Variants in HDLBP observed in about 807,000 individuals in gnomAD.
HDLBP encodes vigilin.
HDLBP carries 30 observed loss-of-function variants against 137.3 expected under a neutral mutation model. That is an observed-to-expected ratio of 0.22 (90% CI 0.16 to 0.30). The LOEUF (loss-of-function observed/expected upper bound fraction) is 0.30, where lower values mean the gene tolerates loss of function less well. HDLBP is among the 10% of genes least tolerant of loss of function. HDLBP has a pLI of 1.00. For synonymous variants in HDLBP, 606 were observed against 596.0 expected, an observed-to-expected ratio of 1.02 and a Z score of -0.24; for missense variants, 1,119 against 1,667.3, an observed-to-expected ratio of 0.67 and a Z score of 5.73.
chr2:241,256,278 G>C lies in HDLBP; in HGVS notation c.779C>G (p.Pro260Arg). Reference sequence around the variant, plus strand: ...AATCTCTGTCCGGTTCACGCTGGGTGGGGGGATGTTGATGCGCGTGCCTGT... The same window carrying C: ...AATCTCTGTCCGGTTCACGCTGGGTCGGGGGATGTTGATGCGCGTGCCTGT... ...QETGTRINIP[P>R]PSVNRTEIVF... Residue 260 changes from proline to arginine, a missense_variant, in exon 7 of 28, where the codon CCA (proline) becomes CGA (arginine). By Grantham distance (103) the Pro-to-Arg change is moderately radical. Transcript: ENST00000310931. 1 of 1,614,070 alleles carries C rather than the reference G, an allele frequency of 6.2e-7. No individual in the cohort carries two copies. The highest frequency in any genetic ancestry group is 8.5e-7 in the Non-Finnish European group (1 of 1,179,970).
chr2:241,307,592 G>A (rs1447329189), intron 1 of HDLBP, among the ~76,000 whole-genome samples: 1 of 152,032 alleles, frequency 6.6e-6, no homozygotes, highest in African/African-American at 2.4e-5. Context: ...TGTAAAAACT[G>A]GCAACCCCCC....
At chr2:241,284,027 G>GAAA (rs57210051) in intron 1 of HDLBP, among the ~76,000 whole-genome samples, 23 of 148,160 alleles carry the variant, frequency 1.6e-4, no homozygotes, top group Admixed American at 6.0e-4. Context: ...CTACTGCCCA[G>GAAA]AAAAAAAAAA....
chr2:241,239,910 G>T lies in HDLBP; in HGVS notation c.2382C>A (p.Ile794=). 1.2e-6 allele frequency: 2 copies of T among 1,614,058 alleles called. No homozygotes were observed. Among genetic ancestry groups the T allele is most frequent in the Non-Finnish European group, 8.5e-7 (1 of 1,179,966 alleles). Residue 794 remains isoleucine, a synonymous_variant, in exon 18 of 28, where the codon ATC becomes ATA. Coordinates refer to ENST00000310931, the MANE Select transcript of HDLBP (RefSeq NM_005336.6). This position sits in a 1 kb window ranked among gnomAD's most constrained non-coding sequence, Gnocchi z 4.6. The part of the protein sequence containing the change: ...REAQKELEAL[I]QNLDNVVEDS... ...GAGGCCCGCTCCCTACCAGGTTTTG[G>T]ATCAAGGCCTCCAGCTCCTTCTGTG...
chr2:241,239,962 A>G lies in HDLBP; in HGVS notation c.2330T>C (p.Ile777Thr), dbSNP rs765886386. ...EDKDQDLITI[I>T]GKEDAVREAQ... is the part of the protein sequence containing the mutation. The stretch of plus-strand genomic sequence containing the variant: ...CTCTCGGACGGCGTCCTCCTTTCCA[A>G]TGATGGTGATCAGGTCCTGGTCCTT... The change falls in exon 18 of 28, where the codon ATT becomes ACT. Residue 777 changes from isoleucine to threonine, a missense_variant. Transcript: ENST00000310931. The surrounding 1 kb of genome is among the most constrained non-coding windows in gnomAD (Gnocchi z 4.6). 1.6e-5 allele frequency: 26 copies of G among 1,614,006 alleles called. No homozygotes were observed. The highest frequency in any genetic ancestry group is 4.5e-5 in the East Asian group (2 of 44,884).
intron 1 of HDLBP, among the ~76,000 whole-genome samples, chr2:241,295,993 G>C (rs187326177): frequency 2.0e-5 from 3 of 151,802 alleles, no homozygotes; most frequent in African/African-American, 7.3e-5. Flanking sequence ...AATTTGTTAC[G>C]GCAGCCCTGG....
chr2:241,228,837 C>T lies in HDLBP; in HGVS notation c.*764G>A, dbSNP rs1466422683. Reference sequence around the variant, plus strand: ...GGCCCTACCTCCCCCAACCTGTGCGCATCTCAATCACAGCAGACACTGTGA... The same window carrying T: ...GGCCCTACCTCCCCCAACCTGTGCGTATCTCAATCACAGCAGACACTGTGA... On this transcript the variant is annotated 3_prime_UTR_variant, in exon 28 of 28. Transcript: ENST00000310931. 6.5e-6 allele frequency: 1 copy of T among 152,884 alleles called. No individual in the cohort carries two copies. The highest frequency in any genetic ancestry group is 2.4e-5 in the African/African-American group (1 of 41,458). The allele number at this position is 152,884 out of a possible 1,614,324, so 9.5% of individuals were successfully genotyped here.
Position 241,256,687 on chromosome 2 carries a change from A to T in HDLBP, c.570T>A (p.Asp190Glu). The T allele has an allele frequency of 6.2e-7, 1 of 1,614,214 alleles. No individual in the cohort carries two copies. The highest frequency in any genetic ancestry group is 1.7e-5 in the Admixed American group (1 of 60,012). Residue 190 changes from aspartate to glutamate, a missense_variant, in exon 6 of 28, where the codon GAT becomes GAA. Transcript: ENST00000310931. ...TGATCTTGATCTGATTGCTGGGGTCATCTGGGCGTGGGATCTGGATTTTGG... is the reference window on the plus strand; with the variant it reads ...TGATCTTGATCTGATTGCTGGGGTCTTCTGGGCGTGGGATCTGGATTTTGG... Reference protein sequence around the residue: ...TATKIQIPRPDDPSNQIKITG... With the variant: ...TATKIQIPRPEDPSNQIKITG...
intron 2 of HDLBP, among the ~76,000 whole-genome samples, 181 bp from the exon 3 acceptor site, chr2:241,267,087 G>A (rs2073730126): frequency 6.6e-6 from 1 of 152,126 alleles, no homozygotes; most frequent in African/African-American, 2.4e-5. Context: ...GATAAAAAGG[G>A]GGGAAAATGC....
rs1400002014 is a variant in HDLBP, at chr2:241,256,362, G to A, written c.695C>T (p.Ala232Val). 2.5e-6 allele frequency: 4 copies of A among 1,613,272 alleles called. No homozygotes were observed. In the African/African-American group the frequency reaches 4.0e-5, roughly 16 times the overall value. Residue 232 changes from alanine (A) to valine (V), a missense_variant, in exon 7 of 28, where the codon GCA (alanine) becomes GTA (valine). By Grantham distance (64) the Ala-to-Val change is moderately conservative. Coordinates refer to ENST00000310931, the MANE Select transcript of HDLBP (RefSeq NM_005336.6). Reference protein sequence around the residue: ...RAVERLEVEKAFHPFIAGPYN... With the variant: ...RAVERLEVEKVFHPFIAGPYN... ...CGGCCCAGCGATGAAGGGGTGGAAT[G>A]CCTTTTCTACTTCTAGCCTCTCCAC...
At position 241,238,367 on chromosome 2, in the gene HDLBP, G is replaced by A. The variant is rs1344184628; in HGVS notation, c.2749+282C>T. 4 of 267,908 alleles carry A rather than the reference G, an allele frequency of 1.5e-5. No individual in the cohort carries two copies. The highest frequency in any genetic ancestry group is 4.4e-5 in the African/African-American group (2 of 45,470). The allele number at this position is 267,908 out of a possible 1,614,324, so 16.6% of individuals were successfully genotyped here. ...CATGAGAATCACTGGGACTGAACTC[G>A]GGACACCCGAGGATGAGGCTGCACG... On this transcript the variant is annotated intron_variant, in intron 20 of 27. Coordinates refer to ENST00000310931, the MANE Select transcript of HDLBP (RefSeq NM_005336.6). This position sits in a 1 kb window ranked among gnomAD's most constrained non-coding sequence, Gnocchi z 4.9.
At chr2:241,254,014 G>A (rs1488904921) in intron 9 of HDLBP, among the ~76,000 whole-genome samples, 2 of 152,210 alleles carry the variant, frequency 1.3e-5, no homozygotes, top group Non-Finnish European at 2.9e-5. Flanking sequence ...GCTGGGCACA[G>A]TGACTCACAC....
intron 1 of HDLBP, among the ~76,000 whole-genome samples, chr2:241,298,025 G>C (rs940793433): frequency 8.5e-6 from 1 of 118,286 alleles, no homozygotes; most frequent in Non-Finnish European, 1.6e-5. Context: ...TCCAGGCCTG[G>C]ACAGAGTGAG....
At position 241,239,589 on chromosome 2, in the gene HDLBP, C is replaced by G. The variant is rs377308812; in HGVS notation, c.2610+13G>C. 6.2e-7 allele frequency: 1 copy of G among 1,612,024 alleles called. No homozygotes were observed. The highest frequency in any genetic ancestry group is 1.1e-5 in the South Asian group (1 of 91,034). ...GGGGGTGAGAACCCCTCCCCGAGCA[C>G]CCAAGTGCCTACCAGGTCCTCAATG... On this transcript the variant is annotated intron_variant, in intron 19 of 27. Transcript: ENST00000310931. The surrounding 1 kb of genome is among the most constrained non-coding windows in gnomAD (Gnocchi z 4.6).
At chr2:241,294,538 T>C (rs79950520) in intron 1 of HDLBP, among the ~76,000 whole-genome samples, 5,066 of 152,270 alleles carry the variant, frequency 0.033, 507 homozygotes, top group Admixed American at 0.19. Flanking sequence ...TAGCTCACTG[T>C]AGCCTTGAAC....
intron 1 of HDLBP, among the ~76,000 whole-genome samples, chr2:241,299,762 A>G (rs1348117997): frequency 4.6e-5 from 7 of 151,802 alleles, no homozygotes; most frequent in Non-Finnish European, 1.0e-4. Flanking sequence ...AAAAACACAA[A>G]AAATTAGCCG....
At chr2:241,284,929 C>T (rs2074747391) in intron 1 of HDLBP, among the ~76,000 whole-genome samples, 1 of 152,206 alleles carries the variant, frequency 6.6e-6, no homozygotes, top group South Asian at 2.1e-4. Flanking sequence ...GACTGGAGTG[C>T]AGTGGCACAG....
chr2:241,236,863 TG>T, intron 20 of HDLBP, 94 bp from the exon 21 acceptor site: 1 of 1,349,406 alleles, frequency 7.4e-7, no homozygotes, highest in Non-Finnish European at 1.0e-6. Flanking sequence ...ACCTGCTGGG[TG>T]CTGGGTGGTA....
rs545740269 is a variant in HDLBP at position 241,262,951 on chromosome 2, A to T, written c.235-25T>A. 29 of 1,576,988 alleles carry T rather than the reference A, an allele frequency of 1.8e-5. No individual in the cohort carries two copies. The African/African-American group carries it at 3.5e-4, about 19-fold the overall frequency. Reference sequence around the variant, plus strand: ...CCTGCTCAAAAAAGATCAAAAAAGGAAAGGTTAAGAGATTAAAAGAAGGCC... The same window carrying T: ...CCTGCTCAAAAAAGATCAAAAAAGGTAAGGTTAAGAGATTAAAAGAAGGCC... On this transcript the variant is annotated intron_variant, in intron 4 of 27. Coordinates refer to ENST00000310931, the MANE Select transcript of HDLBP (RefSeq NM_005336.6).
chr2:241,235,426 T>C, intron 22 of HDLBP, 64 bp downstream of exon 22: 1 of 1,463,060 alleles, frequency 6.8e-7, no homozygotes, highest in Middle Eastern at 1.8e-4. Flanking sequence ...GAAAGGACAC[T>C]GGCACTCGGG....
Sources: gnomAD v4.1 joint callset for allele counts (sites outside exome capture counted in the v4.1 genomes callset) on GRCh38, gnomAD v4.1.1 for gene constraint, Gnocchi (gnomAD v3.1) non-coding constraint, MANE v1.5 for transcripts, NCBI Gene and HGNC (gene_info 2026-07-23, HGNC 2026-07-21) for gene names.